Variants in DCAKD observed in about 807,000 individuals in gnomAD.
The protein encoded by DCAKD is dephospho-CoA kinase domain containing.
In DCAKD, 15 loss-of-function variants were observed where a neutral mutation model predicts 18.7. The observed-to-expected ratio is 0.80, with a 90% confidence interval of 0.54 to 1.24. The LOEUF (loss-of-function observed/expected upper bound fraction) is 1.24, where lower values mean the gene tolerates loss of function less well. Ranked by LOEUF, DCAKD falls within the 50% of genes most tolerant of loss-of-function variation. The pLI, the probability that DCAKD is intolerant of heterozygous loss-of-function variation, is 0.00. For missense variants in DCAKD, 301 were observed against 322.0 expected (o/e 0.93, Z 0.50); for synonymous variants, 130 against 133.0 (o/e 0.98, Z 0.16).
chr17:45,046,342 G>A (rs1015251244), intron 1 of DCAKD, among the ~76,000 whole-genome samples: 5 of 152,118 alleles, frequency 3.3e-5, no homozygotes, highest in Non-Finnish European at 7.4e-5. Flanking sequence ...GGCTGGGCAC[G>A]GCGGCTCACG....
intron 1 of DCAKD, among the ~76,000 whole-genome samples, chr17:45,060,131 G>A (rs1474841444): frequency 2.0e-5 from 3 of 150,780 alleles, no homozygotes; most frequent in Non-Finnish European, 4.5e-5. Context: ...AACAAAGGTT[G>A]AATAATAATA....
chr17:45,033,814 G>T, intron 3 of DCAKD: 1 of 1,139,094 alleles, frequency 8.8e-7, no homozygotes, highest in African/African-American at 1.6e-5. Context: ...TGAGCTGAGG[G>T]CGAGATCACT....
At chr17:45,031,663 T>C in intron 3 of DCAKD, 1 of 985,356 alleles carries the variant, frequency 1.0e-6, no homozygotes, top group Non-Finnish European at 1.2e-6. Flanking sequence ...CTCCCATCAC[T>C]TCCTCTCCCC....
intron 4 of DCAKD, among the ~76,000 whole-genome samples, chr17:45,026,154 G>A (rs1218034012): frequency 6.6e-6 from 1 of 151,738 alleles, no homozygotes; most frequent in Non-Finnish European, 1.5e-5. Context: ...CCTGACCTCA[G>A]GTGATCCACC....
intron 1 of DCAKD, among the ~76,000 whole-genome samples, chr17:45,047,819 C>T (rs891925854): frequency 2.0e-5 from 3 of 151,908 alleles, no homozygotes; most frequent in East Asian, 1.9e-4. Context: ...TAGTCTCAAA[C>T]ACCTGAGCTC....
intron 4 of DCAKD, among the ~76,000 whole-genome samples, chr17:45,026,297 G>A (rs547896379): frequency 8.4e-5 from 12 of 143,180 alleles, no homozygotes; most frequent in East Asian, 2.1e-4. Context: ...GTGCGATCTC[G>A]GCTCACTGCA....
intron 4 of DCAKD, among the ~76,000 whole-genome samples, chr17:45,027,949 G>C (rs879772550): frequency 2.0e-5 from 3 of 147,096 alleles, no homozygotes; most frequent in Non-Finnish European, 3.0e-5. Context: ...TCGCGCCACT[G>C]TACTCCACCT....
At chr17:45,042,307 CTTT>C (rs1019276761) in intron 1 of DCAKD, among the ~76,000 whole-genome samples, 1 of 151,854 alleles carries the variant, frequency 6.6e-6, no homozygotes, top group African/African-American at 2.4e-5. Context: ...GTTCATGTGA[CTTT>C]TTTTTTCTTC....
intron 4 of DCAKD, among the ~76,000 whole-genome samples, chr17:45,025,794 C>T (rs2053042647): frequency 7.0e-6 from 1 of 143,516 alleles, no homozygotes; most frequent in Non-Finnish European, 1.5e-5. Flanking sequence ...CTCTGTCGCC[C>T]AGGCTGGAGT....
intron 1 of DCAKD, among the ~76,000 whole-genome samples, chr17:45,037,326 C>T (rs2143263756): frequency 6.6e-6 from 1 of 152,204 alleles, no homozygotes; most frequent in South Asian, 2.1e-4. Flanking sequence ...AATTTCTCCT[C>T]CATCTCTCTG....
At chr17:45,028,043 C>T (rs1423374181) in intron 4 of DCAKD, among the ~76,000 whole-genome samples, 1 of 150,388 alleles carries the variant, frequency 6.6e-6, no homozygotes, top group South Asian at 2.1e-4. Context: ...CAGAGGTGGG[C>T]GCGGGGTCAT....
intron 1 of DCAKD, among the ~76,000 whole-genome samples, chr17:45,048,614 G>A (rs1318895664): frequency 6.6e-6 from 1 of 152,098 alleles, no homozygotes; most frequent in Non-Finnish European, 1.5e-5. Context: ...TCCAGCCTGG[G>A]TGACAGAGCG....
At chr17:45,061,131 T>G (rs964782602), upstream of DCAKD, 5 of 1,354,808 alleles carry the variant, frequency 3.7e-6, no homozygotes, top group African/African-American at 3.0e-5. Flanking sequence ...CGGGTATCAG[T>G]GGCCCCGCCT....
At chr17:45,043,385 T>C (rs2053485294) in intron 1 of DCAKD, among the ~76,000 whole-genome samples, 1 of 152,204 alleles carries the variant, frequency 6.6e-6, no homozygotes, top group African/African-American at 2.4e-5. Context: ...CACTGCAGTC[T>C]ACTCCATTTG....
intron 1 of DCAKD, 39 bp from the exon 2 acceptor site, chr17:45,035,038 C>G (rs1446249056): frequency 7.2e-6 from 5 of 698,976 alleles, no homozygotes. Context: ...CAGTTTGGGC[C>G]AAAATAATTG....
intron 1 of DCAKD, among the ~76,000 whole-genome samples, chr17:45,036,965 C>T (rs75648943): frequency 0.064 from 9,700 of 152,140 alleles, 388 homozygotes; most frequent in Middle Eastern, 0.099. Context: ...GTTTGCCTCC[C>T]GTGAGGACAC....
At chr17:45,033,952 C>G (rs765861818) in intron 3 of DCAKD, 10 of 1,560,946 alleles carry the variant, frequency 6.4e-6, no homozygotes, top group Non-Finnish European at 7.8e-6. Context: ...GCTCATGGCT[C>G]GAAAGCCTCA....
chr17:45,050,802 C>T lies in DCAKD; in HGVS notation c.-115+559G>A, dbSNP rs180705507. 2.1e-4 allele frequency among the ~76,000 whole-genome samples: 32 copies of T among 151,582 alleles called. No individual in the cohort carries two copies. In the East Asian group the frequency reaches 5.6e-3, roughly 26 times the overall value. On this transcript the variant is annotated intron_variant, in intron 1 of 4. Coordinates refer to ENST00000651974, the MANE Select transcript of DCAKD (RefSeq NM_001288655.2). ...GGTAGGTTGAATCATTTTCCCACAA[C>T]TAAGGGAGAGTGAAAAATCTTTGAA...
At chr17:45,034,726 C>A in intron 2 of DCAKD, 48 bp downstream of exon 2, 1 of 1,579,980 alleles carries the variant, frequency 6.3e-7, no homozygotes. Context: ...AGGCCGGAAG[C>A]GTGGGGAGCT....
Sources: allele counts gnomAD v4.1 joint callset (sites outside exome capture counted in the v4.1 genomes callset), GRCh38; gene constraint gnomAD v4.1.1; transcripts MANE v1.5; gene names NCBI Gene and HGNC (gene_info 2026-07-23, HGNC 2026-07-21).